Variants in SLC20A2 observed in about 807,000 individuals in gnomAD.
SLC20A2 encodes solute carrier family 20 member 2.
In SLC20A2, 30 loss-of-function variants were observed where a neutral mutation model predicts 61.0. The observed-to-expected ratio is 0.49, with a 90% CI of 0.37 to 0.67. The LOEUF is 0.67. Among genes scored for constraint, SLC20A2 ranks in the 30% least tolerant of loss-of-function variants. SLC20A2 has a pLI of 0.00. For missense variants in SLC20A2, 626 were observed against 866.4 expected, an observed-to-expected ratio of 0.72 and a Z score of 3.48; for synonymous variants, 351 against 353.3, an observed-to-expected ratio of 0.99 and a Z score of 0.07.
intron 6 of SLC20A2, among the ~76,000 whole-genome samples, chr8:42,441,038 A>T (rs1016790562): frequency 2.6e-5 from 4 of 152,014 alleles, no homozygotes; most frequent in African/African-American, 9.7e-5. Context: ...TGACCTCGTG[A>T]ACTGCTCGCC....
intron 1 of SLC20A2, among the ~76,000 whole-genome samples, chr8:42,477,299 A>G (rs75507502): frequency 0.031 from 4,773 of 152,218 alleles, 201 homozygotes; most frequent in African/African-American, 0.085. Flanking sequence ...GAGAGGTTCC[A>G]GAATCCTTCT....
chr8:42,494,924 G>A (rs968438520), intron 1 of SLC20A2, among the ~76,000 whole-genome samples: 4 of 151,966 alleles, frequency 2.6e-5, no homozygotes, highest in African/African-American at 9.7e-5. Flanking sequence ...TCGGCTCCCT[G>A]CAACCTCTGC....
Position 42,437,612 on chromosome 8 carries a change from CTTTTTT to C in SLC20A2, c.935-41_935-36del, listed in dbSNP as rs754056948. The C allele has an allele frequency of 1.1e-4, 134 of 1,189,030 alleles. 1 individual carries two copies. The highest frequency in any genetic ancestry group is 4.1e-5 in the Non-Finnish European group (36 of 879,358). 73.7% of individuals were successfully genotyped at this position (1,189,030 alleles called of 1,614,324 possible). A position where few individuals can be genotyped will look rare whatever the true frequency, so the allele number is the denominator to read the frequency against. ...GTTAGAGAAGGTCTCATTTTCCAGT[CTTTTTT>C]TTTTTTTTCTTTTCTTTTTGAGACG... On this transcript the variant is annotated intron_variant, in intron 7 of 10. Coordinates refer to ENST00000520262, the MANE Select transcript of SLC20A2 (RefSeq NM_001257180.2). This position sits in a 1 kb window ranked among gnomAD's most constrained non-coding sequence, Gnocchi z 6.4.
intron 1 of SLC20A2, among the ~76,000 whole-genome samples, chr8:42,539,936 C>T (rs1018347610): frequency 6.6e-6 from 1 of 152,176 alleles, no homozygotes; most frequent in African/African-American, 2.4e-5. Flanking sequence ...CATTAATTTA[C>T]TCTATGGGTA....
chr8:42,485,608 T>C (rs118155151), intron 1 of SLC20A2, among the ~76,000 whole-genome samples: 5,013 of 102,500 alleles, frequency 0.049, 149 homozygotes, highest in Middle Eastern at 0.098. Context: ...TGTTATTGCA[T>C]TCCAGCCTGG....
chr8:42,521,267 A>G (rs1811613321), intron 1 of SLC20A2, among the ~76,000 whole-genome samples: 2 of 121,598 alleles, frequency 1.6e-5, no homozygotes, highest in Admixed American at 1.6e-4. Context: ...TCAGCAGTAA[A>G]AAGTAACAAA....
At chr8:42,500,718 A>G (rs1409079504) in intron 1 of SLC20A2, among the ~76,000 whole-genome samples, 1 of 152,226 alleles carries the variant, frequency 6.6e-6, no homozygotes, top group Non-Finnish European at 1.5e-5. Context: ...ATGACACAAT[A>G]CAATGTTTCT....
At chr8:42,449,612 C>T (rs1563470678) in intron 5 of SLC20A2, among the ~76,000 whole-genome samples, 1 of 152,216 alleles carries the variant, frequency 6.6e-6, no homozygotes, top group Non-Finnish European at 1.5e-5. Context: ...CATGACCCAT[C>T]ATCTCCCTAC....
At chr8:42,418,589 T>C (rs1802828382) in intron 10 of SLC20A2, among the ~76,000 whole-genome samples, 1 of 152,144 alleles carries the variant, frequency 6.6e-6, no homozygotes, top group South Asian at 2.1e-4. Context: ...GGTTTCGCCA[T>C]GTTGGTCAGG....
chr8:42,418,060 G>A (rs1372914430), intron 10 of SLC20A2, 93 bp from the exon 11 acceptor site: 1 of 997,758 alleles, frequency 1.0e-6, no homozygotes, highest in African/African-American at 1.6e-5. Flanking sequence ...ACAAGCTCTA[G>A]TACAACATTA....
intron 10 of SLC20A2, among the ~76,000 whole-genome samples, chr8:42,424,592 G>A (rs78582093): frequency 0.028 from 4,195 of 152,272 alleles, 109 homozygotes; most frequent in East Asian, 0.089. Context: ...TACAGAGGGT[G>A]TAACTCATCA....
At chr8:42,438,841 C>A (rs911309850) in intron 7 of SLC20A2, among the ~76,000 whole-genome samples, 1 of 152,130 alleles carries the variant, frequency 6.6e-6, no homozygotes, top group African/African-American at 2.4e-5. Context: ...CTCAGCCTCC[C>A]GAGTAGCAGG....
chr8:42,507,652 C>T (rs1419875680), intron 1 of SLC20A2, among the ~76,000 whole-genome samples: 1 of 152,168 alleles, frequency 6.6e-6, no homozygotes, highest in Non-Finnish European at 1.5e-5. Context: ...CAAGCATTTG[C>T]AAGATTTGTA....
Position 42,472,454 on chromosome 8 carries a change from G to T in SLC20A2, c.-64C>A. ...ATATTTTAAATAAACAAAGCTTGAG[G>T]TTATAAACTTCGTAAGGCCAAGAGT... On this transcript the variant is annotated 5_prime_UTR_variant, in exon 2 of 11. Coordinates refer to ENST00000520262, the MANE Select transcript of SLC20A2 (RefSeq NM_001257180.2). The surrounding 1 kb of genome is among the most constrained non-coding windows in gnomAD (Gnocchi z 4.1). The T allele has an allele frequency of 1.3e-6, 2 of 1,484,428 alleles. No homozygotes were observed. The highest frequency in any genetic ancestry group is 2.3e-5 in the East Asian group (1 of 43,690). 92.0% of individuals were successfully genotyped at this position (1,484,428 alleles called of 1,614,324 possible). A position where few individuals can be genotyped will look rare whatever the true frequency, so the allele number is the denominator to read the frequency against.
intron 1 of SLC20A2, among the ~76,000 whole-genome samples, chr8:42,485,586 G>A (rs1808918076): frequency 1.4e-5 from 2 of 142,016 alleles, no homozygotes; most frequent in African/African-American, 2.7e-5. Context: ...AGGTTGCAGT[G>A]AGCCGAGACC....
intron 10 of SLC20A2, among the ~76,000 whole-genome samples, chr8:42,423,405 G>A (rs1803172519): frequency 6.6e-6 from 1 of 151,532 alleles, no homozygotes; most frequent in Non-Finnish European, 1.5e-5. Flanking sequence ...GCCCCAGGCT[G>A]GTTTCAAACT....
At chr8:42,467,416 A>C (rs1807261652) in intron 2 of SLC20A2, among the ~76,000 whole-genome samples, 1 of 152,230 alleles carries the variant, frequency 6.6e-6, no homozygotes, top group Non-Finnish European at 1.5e-5. Flanking sequence ...CACTTTCAGA[A>C]GCAGTTGTTG....
chr8:42,449,356 G>T (rs554740458), intron 5 of SLC20A2, among the ~76,000 whole-genome samples: 2 of 152,314 alleles, frequency 1.3e-5, no homozygotes, highest in Non-Finnish European at 2.9e-5. Context: ...AAGATACGAT[G>T]AATAGTGATT....
chr8:42,505,718 C>T (rs1349199976), upstream of SLC20A2, among the ~76,000 whole-genome samples: 3 of 151,752 alleles, frequency 2.0e-5, no homozygotes, highest in Admixed American at 6.6e-5. Context: ...GCTAATGTAG[C>T]GAAACCCCGT....
Sources: allele counts gnomAD v4.1 joint callset (sites outside exome capture counted in the v4.1 genomes callset), GRCh38; gene constraint gnomAD v4.1.1; non-coding constraint Gnocchi (gnomAD v3.1); transcripts MANE v1.5; gene names NCBI Gene and HGNC (gene_info 2026-07-23, HGNC 2026-07-21).